The following PCF11 variants were observed in gnomAD, a reference collection of about 807,000 sequenced individuals.
The protein encoded by PCF11 is PCF11 cleavage and polyadenylation factor subunit.
In PCF11, 19 loss-of-function variants were observed where a neutral mutation model predicts 166.1. The ratio of observed to expected loss-of-function variants is 0.11; its 90% CI spans 0.08 to 0.17. The LOEUF (loss-of-function observed/expected upper bound fraction) is 0.17, where lower values mean the gene tolerates loss of function less well. PCF11 is among the 10% of genes least tolerant of loss of function. The pLI is 1.00. For missense variants in PCF11, 1,565 were observed against 1,855.5 expected, an observed-to-expected ratio of 0.84 and a Z score of 2.88; for synonymous variants, 663 against 644.1, an observed-to-expected ratio of 1.03 and a Z score of -0.44.
At position 83,157,180 on chromosome 11, in the gene PCF11, A is replaced by G. The variant is rs572354270; in HGVS notation, c.-260A>G. 3.1e-5 allele frequency: 18 copies of G among 574,230 alleles called. 1 individual carries two copies. The highest frequency in any genetic ancestry group is 1.3e-4 in the South Asian group (6 of 44,554). 35.6% of individuals were successfully genotyped at this position (574,230 alleles called of 1,614,324 possible). A position where few individuals can be genotyped will look rare whatever the true frequency, so the allele number is the denominator to read the frequency against. ...AGACATTTTCGGAGCTGGAGCCGCC[A>G]CTGCCGCCGCCATTTTGTGTCTGTG... On this transcript the variant is annotated 5_prime_UTR_variant, in exon 1 of 16. Coordinates refer to ENST00000298281, the Ensembl canonical transcript of PCF11.
At chr11:83,160,321 G>GTT (rs35201107) in intron 1 of PCF11, among the ~76,000 whole-genome samples, 6,965 of 91,128 alleles carry the variant, frequency 0.076, 378 homozygotes, top group African/African-American at 0.11. Context: ...GATAACCTAA[G>GTT]TTTTTTTTTT....
exon 5 of PCF11, chr11:83,166,280 A>G (rs745990052): frequency 6.2e-7 from 1 of 1,613,472 alleles, no homozygotes; most frequent in Non-Finnish European, 8.5e-7. Context: ...ATACAATAAC[A>G]GAAGAGTCAG....
chr11:83,160,321 G>GTTTTTTTTTTT (rs35201107), intron 1 of PCF11, among the ~76,000 whole-genome samples: 12 of 91,288 alleles, frequency 1.3e-4, no homozygotes, highest in South Asian at 4.4e-4. Flanking sequence ...GATAACCTAA[G>GTTTTTTTTTTT]TTTTTTTTTT....
At chr11:83,169,106 C>T (rs1860583082) in exon 8 of PCF11, 1 of 1,613,522 alleles carries the variant, frequency 6.2e-7, no homozygotes, top group Non-Finnish European at 8.5e-7. Context: ...CATGGTCCAT[C>T]AGGGGCTGCG....
intron 9 of PCF11, among the ~76,000 whole-genome samples, chr11:83,174,677 C>T (rs544114900): frequency 2.2e-4 from 34 of 151,934 alleles, no homozygotes; most frequent in South Asian, 4.1e-4. Flanking sequence ...TTTACAGGCA[C>T]GGGAAACTGA....
At chr11:83,166,554 C>A in exon 5 of PCF11, 2 of 1,613,830 alleles carry the variant, frequency 1.2e-6, no homozygotes, top group African/African-American at 1.3e-5. Flanking sequence ...ACAGGATATT[C>A]GGGATCCAAG....
intron 8 of PCF11, 149 bp from the exon 9 acceptor site, chr11:83,171,669 G>A (rs1860696621): frequency 1.4e-5 from 9 of 646,468 alleles, no homozygotes; most frequent in Non-Finnish European, 2.2e-5. Context: ...AGACCTAGAA[G>A]TGAAGTGATG....
chr11:83,157,554 A>G, exon 1 of PCF11: 1 of 1,614,016 alleles, frequency 6.2e-7, no homozygotes, highest in South Asian at 1.1e-5. Context: ...GCACATCAAT[A>G]TGCTGACCAT....
chr11:83,184,589 T>G (rs1196264063), intron 15 of PCF11, 90 bp from the exon 16 acceptor site: 7 of 844,924 alleles, frequency 8.3e-6, no homozygotes, highest in Non-Finnish European at 1.1e-5. Context: ...TGTGTTCTCT[T>G]GTTCATACAA....
rs771783848 is a variant in PCF11, at chr11:83,167,087, AAAC to A, written c.1818-36_1818-34del. ...ATATGGTCCTGAGTATTTTTTAAAA[AAAC>A]ATTTCAATGTAACATACTGCTTTTA... is the stretch of plus-strand genomic sequence containing the variant. On this transcript the variant is annotated intron_variant, in intron 5 of 15. Coordinates refer to ENST00000298281, the Ensembl canonical transcript of PCF11. The surrounding 1 kb of genome is among the most constrained non-coding windows in gnomAD (Gnocchi z 4.2). The A allele has an allele frequency of 1.3e-6, 2 of 1,515,864 alleles. No homozygotes were observed. Among genetic ancestry groups the A allele is most frequent in the African/African-American group, 2.8e-5 (2 of 72,042 alleles). 93.9% of individuals were successfully genotyped at this position (1,515,864 alleles called of 1,614,324 possible). A position where few individuals can be genotyped will look rare whatever the true frequency, so the allele number is the denominator to read the frequency against.
In PCF11 at chr11:83,169,381, G is replaced by A. The variant is rs753839044; in HGVS notation, c.3046G>A (p.Gly1016Ser). The change falls in exon 8 of 16, where the codon GGT becomes AGT. Residue 1016 changes from glycine (G) to serine (S), a missense_variant. By Grantham distance (56) the Gly-to-Ser change is moderately conservative (BLOSUM62 0). This residue lies in a region of PCF11 where 725 missense variants were observed against 749.3 expected (regional missense o/e 0.97). Coordinates refer to ENST00000298281, the Ensembl canonical transcript of PCF11. ...GTTTGAGGGTCCTTCTGTACCAGGA[G>A]GTGGCCTGAGAATTGAAGGGCCTCT... 1.9e-6 allele frequency: 3 copies of A among 1,613,748 alleles called. No homozygotes were observed. In the African/African-American group the frequency reaches 4.0e-5, roughly 22 times the overall value.
chr11:83,158,178 G>A (rs892141343), intron 1 of PCF11: 3 of 152,784 alleles, frequency 2.0e-5, no homozygotes, highest in Non-Finnish European at 4.4e-5. Flanking sequence ...CACATGATGC[G>A]AAAGGGAAGA....
At chr11:83,175,154 A>G (rs745369752) in intron 9 of PCF11, among the ~76,000 whole-genome samples, 1 of 151,772 alleles carries the variant, frequency 6.6e-6, no homozygotes, top group African/African-American at 2.4e-5. Context: ...TTTTTTTGAG[A>G]TAGGGTCTTC....
chr11:83,184,983 ATCTATAT>A, exon 16 of PCF11: 1 of 776,196 alleles, frequency 1.3e-6, no homozygotes, highest in Non-Finnish European at 2.0e-6. Flanking sequence ...ATATAGACAT[ATCTATAT>A]AAATTGTCTG....
chr11:83,164,086 C>G (rs1860359419), intron 3 of PCF11, 121 bp from the exon 4 acceptor site: 6 of 668,426 alleles, frequency 9.0e-6, no homozygotes, highest in South Asian at 4.7e-5. Flanking sequence ...TTTTAAATTT[C>G]TGATAAGTTT....
chr11:83,185,169 A>C (rs1236419245), exon 16 of PCF11: 1 of 266,928 alleles, frequency 3.7e-6, no homozygotes, highest in East Asian at 7.8e-5. Context: ...TTCACTGTGC[A>C]ACTGTAAATT....
chr11:83,176,388 T>C (rs1860879708), intron 9 of PCF11, among the ~76,000 whole-genome samples: 1 of 152,172 alleles, frequency 6.6e-6, no homozygotes, highest in Admixed American at 6.6e-5. Flanking sequence ...CGTGCACACA[T>C]ATGTTTATTG....
intron 9 of PCF11, among the ~76,000 whole-genome samples, chr11:83,176,622 T>C (rs1011955417): frequency 6.7e-6 from 1 of 148,454 alleles, no homozygotes; most frequent in African/African-American, 2.5e-5. Context: ...CACTTGTAGG[T>C]AGGAATTGAA....
exon 16 of PCF11, chr11:83,184,787 C>G: frequency 6.2e-7 from 1 of 1,610,662 alleles, no homozygotes; most frequent in Non-Finnish European, 8.5e-7. Context: ...CTGTGACAGT[C>G]CCAAAGTTAA....
Sources: allele counts gnomAD v4.1 joint callset (sites outside exome capture counted in the v4.1 genomes callset), GRCh38; gene constraint gnomAD v4.1.1; regional missense constraint gnomAD v4.1.1; non-coding constraint Gnocchi (gnomAD v3.1); transcripts MANE v1.5; gene names NCBI Gene and HGNC (gene_info 2026-07-23, HGNC 2026-07-21).